Variants in RNGTT observed in about 807,000 individuals in gnomAD.
The protein encoded by RNGTT is RNA guanylyltransferase and 5'-phosphatase, also known as mRNA-capping enzyme.
A neutral mutation model predicts 79.3 loss-of-function variants in RNGTT; 33 were observed. The ratio of observed to expected loss-of-function variants is 0.42; its 90% CI spans 0.32 to 0.56. The LOEUF (loss-of-function observed/expected upper bound fraction) is 0.56, where lower values mean the gene tolerates loss of function less well. Ranked by LOEUF, RNGTT falls within the 20% of genes least tolerant of loss-of-function variation. The pLI, the probability that RNGTT is intolerant of heterozygous loss-of-function variation, is 0.17. For synonymous variants in RNGTT, 222 were observed against 235.9 expected (o/e 0.94, Z 0.54); for missense variants, 497 against 739.1 (o/e 0.67, Z 3.80).
At chr6:88,663,431 ATACT>A (rs1774264523) in intron 14 of RNGTT, among the ~76,000 whole-genome samples, 1 of 152,188 alleles carries the variant, frequency 6.6e-6, no homozygotes, top group Non-Finnish European at 1.5e-5. Context: ...CCATACATAG[ATACT>A]TGGTTGCAGC....
intron 1 of RNGTT, among the ~76,000 whole-genome samples, chr6:88,962,729 A>G (rs1785677473): frequency 6.6e-6 from 1 of 151,920 alleles, no homozygotes; most frequent in Admixed American, 6.6e-5. Flanking sequence ...GAGAGAGACT[A>G]TGTCTCAAAT....
chr6:88,650,920 T>C (rs1223303271), intron 14 of RNGTT, among the ~76,000 whole-genome samples: 2 of 152,156 alleles, frequency 1.3e-5, no homozygotes, highest in Non-Finnish European at 2.9e-5. Flanking sequence ...AAATACTTCA[T>C]AGTGATATCA....
At chr6:88,657,783 C>T (rs998966844) in intron 14 of RNGTT, among the ~76,000 whole-genome samples, 2 of 152,124 alleles carry the variant, frequency 1.3e-5, no homozygotes, top group African/African-American at 4.8e-5. Flanking sequence ...CCTGTCACTG[C>T]CAGCTTTCCC....
chr6:88,862,208 C>A (rs1402691351), intron 8 of RNGTT, among the ~76,000 whole-genome samples: 1 of 152,068 alleles, frequency 6.6e-6, no homozygotes, highest in Non-Finnish European at 1.5e-5. Flanking sequence ...TAGGTAGCTT[C>A]GGGATGGGGA....
chr6:88,892,017 A>C, intron 6 of RNGTT, 102 bp from the exon 7 acceptor site: 1 of 793,034 alleles, frequency 1.3e-6, no homozygotes, highest in South Asian at 2.2e-5. Flanking sequence ...GTTTGTTCTC[A>C]CAAATCTTAG....
intron 13 of RNGTT, among the ~76,000 whole-genome samples, chr6:88,712,597 C>G (rs887903326): frequency 1.3e-5 from 2 of 152,218 alleles, no homozygotes; most frequent in Non-Finnish European, 2.9e-5. Flanking sequence ...TAAGCACAAG[C>G]TGGTGTGCCT....
intron 12 of RNGTT, among the ~76,000 whole-genome samples, chr6:88,788,142 C>T (rs1779291603): frequency 6.6e-6 from 1 of 151,922 alleles, no homozygotes; most frequent in African/African-American, 2.4e-5. Flanking sequence ...TCAGAGTGGG[C>T]AAAAAGATAA....
At chr6:88,673,118 C>T (rs970962544) in intron 14 of RNGTT, among the ~76,000 whole-genome samples, 2 of 152,112 alleles carry the variant, frequency 1.3e-5, no homozygotes, top group Non-Finnish European at 2.9e-5. Context: ...ACACTGCCTC[C>T]AACACCAAGC....
intron 11 of RNGTT, among the ~76,000 whole-genome samples, chr6:88,843,921 T>C (rs548668389): frequency 2.7e-5 from 4 of 150,048 alleles, no homozygotes; most frequent in Non-Finnish European, 5.9e-5. Context: ...AATGTATGTG[T>C]GTGTGTATAT....
At chr6:88,958,218 C>T (rs1425055698) in intron 1 of RNGTT, among the ~76,000 whole-genome samples, 1 of 152,148 alleles carries the variant, frequency 6.6e-6, no homozygotes, top group Non-Finnish European at 1.5e-5. Context: ...ACAAAGTCAA[C>T]TGGAGATGGA....
chr6:88,704,421 T>C (rs1776062514), intron 13 of RNGTT, among the ~76,000 whole-genome samples: 1 of 152,168 alleles, frequency 6.6e-6, no homozygotes, highest in African/African-American at 2.4e-5. Context: ...CAACTATTAA[T>C]AATCTTCTCT....
intron 8 of RNGTT, among the ~76,000 whole-genome samples, chr6:88,883,996 A>AT (rs1286423791): frequency 1.3e-5 from 2 of 152,222 alleles, no homozygotes; most frequent in South Asian, 4.1e-4. Context: ...TTGCCAACAC[A>AT]TTCTGTTAGC....
intron 6 of RNGTT, among the ~76,000 whole-genome samples, chr6:88,904,053 A>G (rs1582112471): frequency 6.6e-6 from 1 of 152,250 alleles, no homozygotes; most frequent in South Asian, 2.1e-4. Context: ...ATTCATATGT[A>G]AAGTTATTTT....
intron 13 of RNGTT, among the ~76,000 whole-genome samples, chr6:88,752,340 G>A (rs957866217): frequency 5.3e-5 from 8 of 151,960 alleles, no homozygotes; most frequent in Non-Finnish European, 7.4e-5. Context: ...AATGTACAGT[G>A]GCTAAAAAGC....
chr6:88,727,423 ATCC>A (rs1776954206), intron 13 of RNGTT, among the ~76,000 whole-genome samples: 1 of 152,228 alleles, frequency 6.6e-6, no homozygotes, highest in Non-Finnish European at 1.5e-5. Flanking sequence ...AAGGTGTATC[ATCC>A]AGTTTTTCTG....
chr6:88,801,534 G>T (rs766939268), intron 12 of RNGTT, 30 bp downstream of exon 12: 3 of 1,522,138 alleles, frequency 2.0e-6, no homozygotes, highest in Admixed American at 1.7e-5. Context: ...ACACACAAAC[G>T]AACACACACA....
chr6:88,887,285 T>C (rs959122029), intron 8 of RNGTT, among the ~76,000 whole-genome samples: 2 of 152,180 alleles, frequency 1.3e-5, no homozygotes, highest in African/African-American at 2.4e-5. Context: ...TATCCTGACA[T>C]AGCTTTAACG....
intron 13 of RNGTT, among the ~76,000 whole-genome samples, chr6:88,767,205 A>G (rs1778490546): frequency 6.6e-6 from 1 of 152,138 alleles, no homozygotes; most frequent in Non-Finnish European, 1.5e-5. Flanking sequence ...CCTATCTGAA[A>G]ATCACCTTAG....
At chr6:88,946,203 G>C (rs1785003944) in intron 1 of RNGTT, among the ~76,000 whole-genome samples, 1 of 152,176 alleles carries the variant, frequency 6.6e-6, no homozygotes, top group Admixed American at 6.5e-5. Flanking sequence ...TTCCACAATA[G>C]TTCAAGCTTT....
Sources: allele counts gnomAD v4.1 joint callset (sites outside exome capture counted in the v4.1 genomes callset), GRCh38; gene constraint gnomAD v4.1.1; transcripts MANE v1.5; gene names NCBI Gene and HGNC (gene_info 2026-07-23, HGNC 2026-07-21).